RBBP8NL: variants seen among roughly 807,000 people sequenced by gnomAD.
The protein encoded by RBBP8NL is RBBP8 N-terminal-like protein.
In RBBP8NL, 59 loss-of-function variants were observed where a neutral mutation model predicts 62.2. The ratio of observed to expected loss-of-function variants is 0.95; its 90% confidence interval spans 0.77 to 1.18. RBBP8NL has a LOEUF of 1.18. Ranked by LOEUF, RBBP8NL falls within the 50% of genes most tolerant of loss-of-function variation. The pLI, the probability that RBBP8NL is intolerant of heterozygous loss-of-function variation, is 0.00. For synonymous variants in RBBP8NL, 412 were observed against 394.1 expected, an observed-to-expected ratio of 1.05 and a Z score of -0.54; for missense variants, 896 against 899.5, an observed-to-expected ratio of 1.00 and a Z score of 0.05.
chr20:62,418,613 G>T, intron 2 of RBBP8NL, 148 bp from the exon 3 acceptor site: 1 of 812,856 alleles, frequency 1.2e-6, no homozygotes, highest in Non-Finnish European at 2.0e-6. Flanking sequence ...GCCCCTGTCT[G>T]TGCCCAGGCA....
intron 1 of RBBP8NL, among the ~76,000 whole-genome samples, chr20:62,424,831 G>T (rs1988773852): frequency 6.6e-6 from 1 of 152,242 alleles, no homozygotes; most frequent in Non-Finnish European, 1.5e-5. Flanking sequence ...GCAGAGGTTT[G>T]CTGTTGTTAA....
intron 8 of RBBP8NL, 35 bp downstream of exon 8, chr20:62,415,543 G>A (rs1247833983): frequency 2.5e-6 from 4 of 1,605,528 alleles, no homozygotes; most frequent in Non-Finnish European, 3.4e-6. Flanking sequence ...CGCCGGCCCA[G>A]CTGCACATGG....
chr20:62,417,492 G>A lies in RBBP8NL; in HGVS notation c.105-173C>T, dbSNP rs1283670374. ...ATCTGCACGCTCCTCTGTGACGTCT[G>A]TCCCGTCCACGCAGCCCCCCCAGTC... On this transcript the variant is annotated intron_variant, in intron 3 of 13. Transcript: ENST00000252998. 2.2e-3 allele frequency among the ~76,000 whole-genome samples: 326 copies of A among 147,878 alleles called. 3 individuals carry two copies. The highest frequency in any genetic ancestry group is 7.7e-3 in the African/African-American group (304 of 39,318).
chr20:62,425,754 C>T (rs185947638), intron 1 of RBBP8NL, among the ~76,000 whole-genome samples: 62 of 152,394 alleles, frequency 4.1e-4, no homozygotes, highest in African/African-American at 1.4e-3. Context: ...CCCCAGCAGG[C>T]TCTTTGGGGC....
At chr20:62,417,149 G>C in intron 4 of RBBP8NL, 75 bp downstream of exon 4, 1 of 1,132,652 alleles carries the variant, frequency 8.8e-7, no homozygotes. Context: ...CTCATTCTCC[G>C]AGGAGCCCTG....
In RBBP8NL at chr20:62,410,906, G is replaced by C. The variant is rs370447883; in HGVS notation, c.1967C>G (p.Pro656Arg). ...GGTCTCCTCCCAGGGGCTGCTGTTG[G>C]GGGAGGGACTGTGGTCCTCGGCGTC... ...PRDAEDHSPSPNSSPWEET is the reference protein window; with the variant it reads ...PRDAEDHSPSRNSSPWEET Residue 656 changes from proline to arginine, a missense_variant, in exon 14 of 14, where the codon CCC (proline) becomes CGC (arginine). Coordinates refer to ENST00000252998, the MANE Select transcript of RBBP8NL (RefSeq NM_080833.3). The C allele has an allele frequency of 1.7e-4, 274 of 1,613,208 alleles. No individual in the cohort carries two copies. The highest frequency in any genetic ancestry group is 2.1e-4 in the Non-Finnish European group (244 of 1,179,680).
rs540014882 is a variant in RBBP8NL at position 62,419,303 on chromosome 20, GGT to G, written c.61+282_61+283del. Among the ~76,000 whole-genome samples, 81 of 152,300 alleles carry G rather than the reference GGT, an allele frequency of 5.3e-4. No individual in the cohort carries two copies. In the East Asian group the frequency reaches 0.014, roughly 26 times the overall value. On this transcript the variant is annotated intron_variant, in intron 2 of 13. Coordinates refer to ENST00000252998, the MANE Select transcript of RBBP8NL (RefSeq NM_080833.3). ...GGGTGGCAGGTGGCCATGAGGTGTT[GGT>G]GGCAACCCTTGAAAGTGCCCCTCCC... is the stretch of plus-strand genomic sequence containing the variant.
intron 13 of RBBP8NL, 152 bp downstream of exon 13, chr20:62,412,472 G>T: frequency 9.6e-7 from 1 of 1,041,208 alleles, no homozygotes; most frequent in Non-Finnish European, 1.4e-6. Context: ...CCTCTGTGGG[G>T]TTCATTTGGG....
At chr20:62,420,582 A>C (rs982761825) in intron 1 of RBBP8NL, among the ~76,000 whole-genome samples, 1 of 152,206 alleles carries the variant, frequency 6.6e-6, no homozygotes, top group Non-Finnish European at 1.5e-5. Flanking sequence ...CACACACAAC[A>C]CACAGAGACA....
chr20:62,410,552 A>C lies in RBBP8NL; in HGVS notation c.*326T>G. ...GGTGCTGGGCTGTGGGAGGGGCCGC[A>C]GAGCATTTCCCAGGTGGGTGGAGAC... On this transcript the variant is annotated 3_prime_UTR_variant, in exon 14 of 14. Coordinates refer to ENST00000252998, the MANE Select transcript of RBBP8NL (RefSeq NM_080833.3). 5.6e-6 allele frequency: 2 copies of C among 358,458 alleles called. No homozygotes were observed. The highest frequency in any genetic ancestry group is 4.5e-5 in the South Asian group (1 of 21,986). 22.2% of individuals were successfully genotyped at this position (358,458 alleles called of 1,614,324 possible).
At chr20:62,422,930 C>T (rs746154360) in intron 1 of RBBP8NL, among the ~76,000 whole-genome samples, 6 of 152,030 alleles carry the variant, frequency 3.9e-5, no homozygotes, top group Non-Finnish European at 7.4e-5. Flanking sequence ...GGCTTTGGGG[C>T]CTCCAGCCAC....
rs200072570 is a variant in RBBP8NL, at chr20:62,418,747, GC to G, written c.62-283del. On this transcript the variant is annotated intron_variant, in intron 2 of 13. Coordinates refer to ENST00000252998, the MANE Select transcript of RBBP8NL (RefSeq NM_080833.3). The stretch of plus-strand genomic sequence containing the variant: ...GGGACCCTGGTGCCACAAGTGACCA[GC>G]CACCTGTGAAAGGTAGAGGGACCGA... Among the ~76,000 whole-genome samples the G allele has an allele frequency of 8.0e-3, 1,220 of 152,332 alleles. 11 individuals carry two copies. Among genetic ancestry groups the G allele is most frequent in the Middle Eastern group, 0.02 (6 of 294 alleles).
At chr20:62,426,463 C>T (rs192260670) in intron 1 of RBBP8NL, among the ~76,000 whole-genome samples, 1 of 152,364 alleles carries the variant, frequency 6.6e-6, no homozygotes, top group Admixed American at 6.5e-5. Context: ...CGGGGCCCAC[C>T]TGGCCTTGGA....
intron 1 of RBBP8NL, among the ~76,000 whole-genome samples, chr20:62,420,462 A>G (rs977463106): frequency 1.3e-5 from 2 of 152,028 alleles, no homozygotes; most frequent in Admixed American, 6.6e-5. Flanking sequence ...GTACACACAT[A>G]ACACACATGC....
chr20:62,412,822 G>A lies in RBBP8NL; in HGVS notation c.1746+8C>T. On this transcript the variant is annotated splice_region_variant and intron_variant, in intron 12 of 13. Transcript: ENST00000252998. ...CCCTGCCCTGCTGAGTGTGTGGCCT[G>A]GACCCACCTCGCTGCCTGGGGTGTC... 1 of 1,613,414 alleles carries A rather than the reference G, an allele frequency of 6.2e-7. No individual in the cohort carries two copies. The highest frequency in any genetic ancestry group is 8.5e-7 in the Non-Finnish European group (1 of 1,179,996).
chr20:62,417,382 C>A, intron 3 of RBBP8NL, 63 bp from the exon 4 acceptor site: 1 of 1,362,796 alleles, frequency 7.3e-7, no homozygotes. Context: ...GCTGTCCCCA[C>A]CATCCAGCCT....
chr20:62,423,412 G>A (rs1334962140), intron 1 of RBBP8NL, among the ~76,000 whole-genome samples: 2 of 152,090 alleles, frequency 1.3e-5, no homozygotes, highest in Admixed American at 6.5e-5. Flanking sequence ...GGCCAAGGGG[G>A]CCCCTGGGAG....
rs144350949 is a variant in RBBP8NL at position 62,413,520 on chromosome 20, G to C, written c.1556C>G (p.Ser519Cys). 497 of 1,523,290 alleles carry C rather than the reference G, an allele frequency of 3.3e-4. No individual in the cohort carries two copies. The highest frequency in any genetic ancestry group is 3.9e-4 in the Non-Finnish European group (450 of 1,142,250). The allele number at this position is 1,523,290 out of a possible 1,614,324, so 94.4% of individuals were successfully genotyped here. A position where few individuals can be genotyped will look rare whatever the true frequency, so the allele number is the denominator to read the frequency against. The change falls in exon 11 of 14, where the codon TCC becomes TGC. Residue 519 changes from serine (S) to cysteine (C), a missense_variant. Physicochemically the swap from Ser to Cys is moderately radical, Grantham distance 112 (BLOSUM62 -1). Coordinates refer to ENST00000252998, the MANE Select transcript of RBBP8NL (RefSeq NM_080833.3). ...GCCTGGAGAGGACAGGCTGAGCTGGGACCCTGGAAGTGGGCGTGAGGGGTC... is the reference window on the plus strand; with the variant it reads ...GCCTGGAGAGGACAGGCTGAGCTGGCACCCTGGAAGTGGGCGTGAGGGGTC... Reference protein sequence around the residue: ...PMDPSRPLPGSQLSLSSPGST... With the variant: ...PMDPSRPLPGCQLSLSSPGST...
intron 1 of RBBP8NL, among the ~76,000 whole-genome samples, chr20:62,423,236 G>A (rs1204557645): frequency 2.6e-5 from 4 of 152,164 alleles, no homozygotes; most frequent in Non-Finnish European, 4.4e-5. Context: ...CTCCAGATGG[G>A]GAAACTGAGG....
Sources: allele counts gnomAD v4.1 joint callset (sites outside exome capture counted in the v4.1 genomes callset), GRCh38; gene constraint gnomAD v4.1.1; transcripts MANE v1.5; gene names NCBI Gene and HGNC (gene_info 2026-07-23, HGNC 2026-07-21).